Variants in POMK observed in about 807,000 individuals in gnomAD.
POMK encodes the protein protein O-mannose kinase.
Under a neutral mutation model 23.0 loss-of-function variants are expected in POMK, and 19 were observed. The observed-to-expected ratio is 0.83, with a 90% CI of 0.58 to 1.21. POMK has a LOEUF of 1.21. Ranked by LOEUF, POMK falls within the 50% of genes most tolerant of loss-of-function variation. The pLI, the probability that POMK is intolerant of heterozygous loss-of-function variation, is 0.00. For missense variants in POMK, 410 were observed against 431.3 expected, an observed-to-expected ratio of 0.95 and a Z score of 0.44; for synonymous variants, 173 against 171.6, an observed-to-expected ratio of 1.01 and a Z score of -0.06.
At chr8:43,118,668 T>G (rs1178096267) in intron 4 of POMK, among the ~76,000 whole-genome samples, 1 of 152,230 alleles carries the variant, frequency 6.6e-6, no homozygotes, top group East Asian at 1.9e-4. Context: ...ATTCAAATAT[T>G]TGTGTGTGAT....
At chr8:43,093,737 C>T (rs1165200982) in intron 1 of POMK, among the ~76,000 whole-genome samples, 174 bp downstream of exon 1, 1 of 152,248 alleles carries the variant, frequency 6.6e-6, no homozygotes, top group African/African-American at 2.4e-5. Flanking sequence ...GCCGTGTCCA[C>T]CGCGCCCAGC....
chr8:43,099,893 G>T (rs962120082), intron 2 of POMK, among the ~76,000 whole-genome samples: 1 of 152,170 alleles, frequency 6.6e-6, no homozygotes, highest in Non-Finnish European at 1.5e-5. Flanking sequence ...GAGTGAAGGT[G>T]GGGGAACAGG....
At chr8:43,107,287 TAAAAC>T (rs1811562453) in intron 4 of POMK, among the ~76,000 whole-genome samples, 1 of 152,232 alleles carries the variant, frequency 6.6e-6, no homozygotes, top group Non-Finnish European at 1.5e-5. Context: ...TTATTTTTAT[TAAAAC>T]AAATCACGAT....
chr8:43,105,555 A>G (rs1811528614), intron 4 of POMK, among the ~76,000 whole-genome samples: 2 of 152,212 alleles, frequency 1.3e-5, no homozygotes, highest in Non-Finnish European at 2.9e-5. Flanking sequence ...TTGTGTATAT[A>G]TACCACATTT....
intron 4 of POMK, among the ~76,000 whole-genome samples, chr8:43,108,935 G>C (rs1811595243): frequency 6.6e-6 from 1 of 152,152 alleles, no homozygotes; most frequent in Non-Finnish European, 1.5e-5. Flanking sequence ...AGTCATATCA[G>C]AATTGTAGGA....
intron 4 of POMK, among the ~76,000 whole-genome samples, chr8:43,117,165 G>A (rs1244474214): frequency 2.6e-5 from 4 of 152,158 alleles, no homozygotes; most frequent in Non-Finnish European, 2.9e-5. Context: ...CACTTCTTTT[G>A]TGGTGGAATG....
At chr8:43,116,307 C>A (rs1811797701) in intron 4 of POMK, among the ~76,000 whole-genome samples, 1 of 152,196 alleles carries the variant, frequency 6.6e-6, no homozygotes, top group Non-Finnish European at 1.5e-5. Flanking sequence ...GAGTCTCTCT[C>A]TTTTGCCCAG....
At chr8:43,098,474 A>G (rs937885359) in intron 2 of POMK, among the ~76,000 whole-genome samples, 1 of 152,208 alleles carries the variant, frequency 6.6e-6, no homozygotes, top group Admixed American at 6.5e-5. Flanking sequence ...GCTGAATAAT[A>G]TTCCATTTAT....
At chr8:43,110,513 C>T (rs1811629463) in intron 4 of POMK, among the ~76,000 whole-genome samples, 1 of 152,264 alleles carries the variant, frequency 6.6e-6, no homozygotes, top group African/African-American at 2.4e-5. Context: ...TCACAACTTA[C>T]AGAGACCATC....
chr8:43,108,517 A>G (rs1304167779), intron 4 of POMK, among the ~76,000 whole-genome samples: 1 of 152,246 alleles, frequency 6.6e-6, no homozygotes, highest in Non-Finnish European at 1.5e-5. Context: ...CAGTTGCTAC[A>G]AGCTGTAAAT....
At chr8:43,121,167 A>G (rs1346522242) in intron 4 of POMK, among the ~76,000 whole-genome samples, 1 of 152,200 alleles carries the variant, frequency 6.6e-6, no homozygotes, top group African/African-American at 2.4e-5. Flanking sequence ...TAAATAATGC[A>G]AAAAACTGCT....
At chr8:43,096,370 C>G (rs1056858792) in intron 1 of POMK, among the ~76,000 whole-genome samples, 4 of 152,176 alleles carry the variant, frequency 2.6e-5, no homozygotes, top group African/African-American at 9.7e-5. Context: ...TTAGAAAGCT[C>G]TCCCTGCATG....
Position 43,122,324 on chromosome 8 carries a change from C to A in POMK, c.500C>A (p.Ser167Ter), listed in dbSNP as rs1010948851. The A allele has an allele frequency of 6.2e-7, 1 of 1,614,176 alleles. No individual in the cohort carries two copies. Among genetic ancestry groups the A allele is most frequent in the African/African-American group, 1.3e-5 (1 of 75,046 alleles). Residue 167 changes from serine to a stop codon, truncating the protein, a stop_gained, in exon 5 of 5, where the codon TCA becomes TAA. Coordinates refer to ENST00000331373, the MANE Select transcript of POMK (RefSeq NM_032237.5). LOFTEE classifies it high-confidence loss of function. ...LSNLEETLNL[S>*]KYQNVNTWQH... Reference sequence around the variant, plus strand: ...AACCTGGAAGAAACACTAAACCTTTCAAAGTACCAAAATGTGAACACGTGG... The same window carrying A: ...AACCTGGAAGAAACACTAAACCTTTAAAAGTACCAAAATGTGAACACGTGG...
Position 43,122,121 on chromosome 8 carries a change from G to A in POMK, c.297G>A (p.Glu99=), listed in dbSNP as rs181930194. 2.5e-6 allele frequency: 4 copies of A among 1,614,074 alleles called. No homozygotes were observed. The highest frequency in any genetic ancestry group is 3.4e-6 in the Non-Finnish European group (4 of 1,179,982). The change falls in exon 5 of 5, where the codon GAG becomes GAA. Residue 99 remains glutamate (E), a synonymous_variant. Transcript: ENST00000331373. The stretch of plus-strand genomic sequence containing the variant: ...CTTTGTTGCAGGTCTTTCTGTCTGA[G>A]TGGAAGGAGCACAAAGTTGCACTCT... ...EGAVKRVFLS[E]WKEHKVALSQ...
chr8:43,115,879 C>T (rs567768944), intron 4 of POMK, among the ~76,000 whole-genome samples: 1 of 152,360 alleles, frequency 6.6e-6, no homozygotes, highest in Non-Finnish European at 1.5e-5. Flanking sequence ...GTCCGGTCTA[C>T]TCCAGCATCA....
rs562690771 is a variant in POMK at position 43,098,681 on chromosome 8, G to A, written c.-118+1066G>A. 1.7e-3 allele frequency among the ~76,000 whole-genome samples: 260 copies of A among 152,236 alleles called. 3 individuals are homozygous for A. Among genetic ancestry groups the A allele is most frequent in the Non-Finnish European group, 2.7e-3 (185 of 68,014 alleles). On this transcript the variant is annotated intron_variant, in intron 2 of 4. Transcript: ENST00000331373. Reference sequence around the variant, plus strand: ...GACTGTGCTTAACCTTTTGAGGAGCGGCCAGACTGCTTTCCACAGTGGCTG... The same window carrying A: ...GACTGTGCTTAACCTTTTGAGGAGCAGCCAGACTGCTTTCCACAGTGGCTG...
chr8:43,116,927 C>T (rs2130619801), intron 4 of POMK, among the ~76,000 whole-genome samples: 1 of 151,352 alleles, frequency 6.6e-6, no homozygotes, highest in Non-Finnish European at 1.5e-5. Flanking sequence ...GGGGTAGGGC[C>T]ATTTTTATAA....
At position 43,122,597 on chromosome 8, in the gene POMK, A is replaced by G. The variant is rs397509386; in HGVS notation, c.773A>G (p.Gln258Arg). The G allele has an allele frequency of 3.1e-5, 50 of 1,614,126 alleles. No individual in the cohort carries two copies. Among genetic ancestry groups the G allele is most frequent in the Non-Finnish European group, 4.1e-5 (48 of 1,180,046 alleles). Residue 258 changes from glutamine to arginine, a missense_variant, in exon 5 of 5, where the codon CAA becomes CGA. Physicochemically the swap from Gln to Arg is conservative, Grantham distance 43 (BLOSUM62 1). Coordinates refer to ENST00000331373, the MANE Select transcript of POMK (RefSeq NM_032237.5). ...CATGGGGATTTCGTGGCTCCAGAGC[A>G]ACTGTGGCCCTATGGAGAGGACGTG... The part of the protein sequence containing the change: ...ELHGDFVAPE[Q>R]LWPYGEDVPF...
At chr8:43,114,098 A>G in intron 4 of POMK, among the ~76,000 whole-genome samples, 1 of 152,186 alleles carries the variant, frequency 6.6e-6, no homozygotes, top group Non-Finnish European at 1.5e-5. Context: ...CTGTTGTCAG[A>G]TCTCCAGCTG....
Sources: gnomAD v4.1 joint callset for allele counts (sites outside exome capture counted in the v4.1 genomes callset) on GRCh38, gnomAD v4.1.1 for gene constraint, MANE v1.5 for transcripts, NCBI Gene and HGNC (gene_info 2026-07-23, HGNC 2026-07-21) for gene names.